Variants in MDN1 observed in about 807,000 individuals in gnomAD.
MDN1 encodes midasin AAA ATPase 1, also known as midasin.
Under a neutral mutation model 669.2 loss-of-function variants are expected in MDN1, and 266 were observed. That is an observed-to-expected ratio of 0.40 (90% CI 0.36 to 0.44). The LOEUF (loss-of-function observed/expected upper bound fraction) is 0.44, where lower values mean the gene tolerates loss of function less well. Among genes scored for constraint, MDN1 ranks in the 20% least tolerant of loss-of-function variants. The probability of loss-of-function intolerance (pLI) is 1.00; values close to 1 mark genes in which losing one functional copy is unlikely to be tolerated. For synonymous variants in MDN1, 2,385 were observed against 2,457.1 expected (o/e 0.97, Z 0.87); for missense variants, 5,940 against 6,754.0 (o/e 0.88, Z 4.22).
rs1346945444 is a variant in MDN1, at chr6:89,794,743, T to C, written c.388A>G (p.Ser130Gly). 1.2e-6 allele frequency: 2 copies of C among 1,614,062 alleles called. No individual in the cohort carries two copies. Among genetic ancestry groups the C allele is most frequent in the Admixed American group, 3.3e-5 (2 of 59,992 alleles). ...SPVFQRLFLE[S>G]SDANPVRYGR... ...TAGCGTACTGGATTAGCATCTGAACTCTCTAGGAAAAGTCTTTGAAAGACT... is the reference window on the plus strand; with the variant it reads ...TAGCGTACTGGATTAGCATCTGAACCCTCTAGGAAAAGTCTTTGAAAGACT... The change falls in exon 3 of 102, where the codon AGT (serine) becomes GGT (glycine). Residue 130 changes from serine to glycine, a missense_variant. Ser to Gly is a moderately conservative substitution (Grantham distance 56). Transcript: ENST00000369393.
rs1177286132 is a variant in MDN1 at position 89,730,787 on chromosome 6, C to T, written c.5079G>A (p.Lys1693=). The change falls in exon 35 of 102, where the codon AAG becomes AAA. Residue 1693 remains lysine, a synonymous_variant. Transcript: ENST00000369393. ...TATCTATTCCAGTGAATTCTTTGGC[C>T]TTCATTCTGTCATAAATCTTCAACT... ...KNELKIYDRM[K]AKEFTGIDNL... is the part of the protein sequence containing the mutation. 6.2e-7 allele frequency: 1 copy of T among 1,613,926 alleles called. No homozygotes were observed.
intron 33 of MDN1, among the ~76,000 whole-genome samples, chr6:89,735,370 CT>C (rs775653908): frequency 0.014 from 1,687 of 122,450 alleles, 20 homozygotes; most frequent in African/African-American, 0.032. Context: ...ATCACAGAAC[CT>C]TTTTTTTTTT....
intron 15 of MDN1, among the ~76,000 whole-genome samples, chr6:89,767,499 G>A (rs957104928): frequency 1.3e-5 from 2 of 152,102 alleles, no homozygotes; most frequent in Non-Finnish European, 2.9e-5. Flanking sequence ...GCTCACACCT[G>A]TTAATTCCAG....
intron 50 of MDN1, among the ~76,000 whole-genome samples, chr6:89,709,897 G>A (rs970368170): frequency 1.3e-5 from 2 of 152,012 alleles, no homozygotes; most frequent in Non-Finnish European, 2.9e-5. Flanking sequence ...TTATAACTTC[G>A]TCATCAAGGT....
At chr6:89,697,154 A>G (rs1212447837) in intron 59 of MDN1, among the ~76,000 whole-genome samples, 1 of 152,246 alleles carries the variant, frequency 6.6e-6, no homozygotes, top group South Asian at 2.1e-4. Context: ...GGTAAATCCA[A>G]AAACATTTGG....
chr6:89,688,513 G>T, intron 66 of MDN1, 60 bp downstream of exon 66: 1 of 1,494,366 alleles, frequency 6.7e-7, no homozygotes, highest in Non-Finnish European at 9.2e-7. Context: ...ATAATGGTGA[G>T]GCTGCATCCT....
chr6:89,691,743 T>A (rs1385134219), intron 63 of MDN1, among the ~76,000 whole-genome samples: 2 of 152,310 alleles, frequency 1.3e-5, no homozygotes, highest in South Asian at 4.1e-4. Flanking sequence ...AGTTATCAAA[T>A]AGAATAAACT....
At chr6:89,715,621 T>C (rs1814309997) in intron 45 of MDN1, 32 bp downstream of exon 45, 1 of 1,373,748 alleles carries the variant, frequency 7.3e-7, no homozygotes, top group Non-Finnish European at 1.0e-6. Flanking sequence ...GGCTGTCAGA[T>C]TCTGAGGCAG....
At chr6:89,668,517 T>C (rs571086963) in intron 83 of MDN1, among the ~76,000 whole-genome samples, 12 of 152,018 alleles carry the variant, frequency 7.9e-5, no homozygotes, top group African/African-American at 1.5e-4. Flanking sequence ...CAGTCAGACA[T>C]AGTAATAACT....
In MDN1 at chr6:89,662,794, C is replaced by G. The variant is rs1298917062; in HGVS notation, c.14410G>C (p.Glu4804Gln). The G allele has an allele frequency of 3.1e-6, 5 of 1,614,086 alleles. No individual in the cohort carries two copies. Among genetic ancestry groups the G allele is most frequent in the Non-Finnish European group, 4.2e-6 (5 of 1,179,994 alleles). The change falls in exon 86 of 102, where the codon GAG becomes CAG. Residue 4804 changes from glutamate (E) to glutamine (Q), a missense_variant and splice_region_variant. Glu to Gln is a conservative substitution (Grantham distance 29, BLOSUM62 2). This residue lies in a region of MDN1 where 2,280 missense variants were observed against 2,576.3 expected (regional missense o/e 0.88). Coordinates refer to ENST00000369393, the MANE Select transcript of MDN1 (RefSeq NM_014611.3). ...GAGGGGAGAAATCTTTGAATTACCT[C>G]ATCCATTCCTGGTCCTGTTTCTTCA... ...KTEETGPGMD[E>Q]EDSELVAKDD...
In MDN1 at chr6:89,789,922, A is replaced by T; in HGVS notation, c.1099-11T>A. Reference sequence around the variant, plus strand: ...CATCCCCAAAAGCATCTGCAGAAAGAAGATAAAGTAATTACTGAAAAACCA... The same window carrying T: ...CATCCCCAAAAGCATCTGCAGAAAGTAGATAAAGTAATTACTGAAAAACCA... On this transcript the variant is annotated splice_polypyrimidine_tract_variant and intron_variant, in intron 6 of 101. Transcript: ENST00000369393. 1 of 1,605,764 alleles carries T rather than the reference A, an allele frequency of 6.2e-7. No homozygotes were observed. Among genetic ancestry groups the T allele is most frequent in the Admixed American group, 1.7e-5 (1 of 57,518 alleles).
intron 37 of MDN1, among the ~76,000 whole-genome samples, chr6:89,725,842 T>A (rs766481719): frequency 1.4e-4 from 21 of 151,870 alleles, no homozygotes; most frequent in Middle Eastern, 6.8e-3. Flanking sequence ...TTCCCAATGT[T>A]AGAATTACAG....
chr6:89,665,706 CAAAAAAAAAAAAA>C (rs61352567), intron 84 of MDN1, among the ~76,000 whole-genome samples: 10 of 126,250 alleles, frequency 7.9e-5, no homozygotes, highest in African/African-American at 2.6e-4. Context: ...GACTCCGTTT[CAAAAAAAAAAAAA>C]AAAAAAAAAA....
At chr6:89,645,679 AAAAC>A (rs1320903695) in intron 100 of MDN1, among the ~76,000 whole-genome samples, 4 of 152,210 alleles carry the variant, frequency 2.6e-5, no homozygotes, top group Non-Finnish European at 5.9e-5. Flanking sequence ...TGTTTAAACA[AAAAC>A]AAATAGAAAG....
intron 29 of MDN1, 66 bp downstream of exon 29, chr6:89,745,207 G>GTA: frequency 6.9e-7 from 1 of 1,454,628 alleles, no homozygotes. Flanking sequence ...GAGTTCTTCA[G>GTA]TGATAACTCA....
At chr6:89,813,986 G>A (rs1768635397) in intron 1 of MDN1, among the ~76,000 whole-genome samples, 1 of 151,620 alleles carries the variant, frequency 6.6e-6, no homozygotes, top group East Asian at 1.9e-4. Flanking sequence ...AGCTACTGGA[G>A]GGGATGGGGA....
chr6:89,771,998 C>T (rs1208998049), intron 14 of MDN1, among the ~76,000 whole-genome samples: 5 of 152,156 alleles, frequency 3.3e-5, no homozygotes, highest in South Asian at 4.1e-4. Flanking sequence ...TGAGCCACTG[C>T]GCCCAGCAAT....
Position 89,793,767 on chromosome 6 carries a change from C to T in MDN1, c.850G>A (p.Glu284Lys), listed in dbSNP as rs751306778. Residue 284 changes from glutamate to lysine, a missense_variant, in exon 5 of 102, where the codon GAG becomes AAG. Around this residue, in one of 5 missense-constraint regions of MDN1, gnomAD observed 1,203 missense variants for 1,268.9 expected, o/e 0.95. Transcript: ENST00000369393. ...VLPGQLPAPG[E>K]LGGNRSSSRE... Reference sequence around the variant, plus strand: ...CCCTACTGATACCAACATACCAGCTCTCCAGGGGCTGGCAGCTGCCCAGGC... The same window carrying T: ...CCCTACTGATACCAACATACCAGCTTTCCAGGGGCTGGCAGCTGCCCAGGC... 1.9e-6 allele frequency: 3 copies of T among 1,613,470 alleles called. No homozygotes were observed. The highest frequency in any genetic ancestry group is 2.5e-6 in the Non-Finnish European group (3 of 1,179,678).
intron 45 of MDN1, 79 bp from the exon 46 acceptor site, chr6:89,714,830 G>T: frequency 8.4e-7 from 1 of 1,185,266 alleles, no homozygotes; most frequent in Non-Finnish European, 1.2e-6. Flanking sequence ...ATCAGTCAGT[G>T]AGGGCAAATC....
Sources: gnomAD v4.1 joint callset for allele counts (sites outside exome capture counted in the v4.1 genomes callset) on GRCh38, gnomAD v4.1.1 for gene constraint, gnomAD v4.1.1 regional missense constraint, MANE v1.5 for transcripts, NCBI Gene and HGNC (gene_info 2026-07-23, HGNC 2026-07-21) for gene names.